The following TCF12 variants were observed in gnomAD, a reference collection of about 807,000 sequenced individuals.
The protein encoded by TCF12 is DNA-binding protein HTF4.
TCF12 carries 45 observed loss-of-function variants against 86.0 expected under a neutral mutation model. The ratio of observed to expected loss-of-function variants is 0.52; its 90% CI spans 0.41 to 0.67. The LOEUF (loss-of-function observed/expected upper bound fraction) is 0.67. Among genes scored for constraint, TCF12 ranks in the 30% least tolerant of loss-of-function variants. The pLI, the probability that TCF12 is intolerant of heterozygous loss-of-function variation, is 0.00. For missense variants in TCF12, 881 were observed against 859.9 expected (o/e 1.02, Z -0.31); for synonymous variants, 330 against 299.6 (o/e 1.10, Z -1.05).
intron 4 of TCF12, among the ~76,000 whole-genome samples, chr15:57,078,578 A>T (rs1380760873): frequency 6.6e-6 from 1 of 152,242 alleles, no homozygotes; most frequent in Admixed American, 6.5e-5. Context: ...TATAGGCAGT[A>T]CTACACATAT....
intron 5 of TCF12, among the ~76,000 whole-genome samples, chr15:57,102,819 G>A (rs1331127289): frequency 7.2e-5 from 11 of 152,028 alleles, no homozygotes; most frequent in Non-Finnish European, 7.4e-5. Context: ...AAATTTCTAG[G>A]CAAATGTCAG....
At chr15:57,101,909 A>C (rs1292617795) in intron 5 of TCF12, among the ~76,000 whole-genome samples, 1 of 152,222 alleles carries the variant, frequency 6.6e-6, no homozygotes, top group East Asian at 1.9e-4. Context: ...AGTTTCTCTT[A>C]CATACTTTTC....
chr15:57,096,601 T>A (rs1206094477), intron 5 of TCF12, among the ~76,000 whole-genome samples: 1 of 152,174 alleles, frequency 6.6e-6, no homozygotes, highest in African/African-American at 2.4e-5. Flanking sequence ...ATAACTTACA[T>A]ATAATACCTA....
chr15:57,279,186 G>T (rs1055032791), intron 19 of TCF12, among the ~76,000 whole-genome samples: 1 of 146,896 alleles, frequency 6.8e-6, no homozygotes, highest in Non-Finnish European at 1.5e-5. Context: ...TAGAGACAGG[G>T]TCTCACTTTG....
At chr15:56,984,839 C>T (rs1396776739) in intron 3 of TCF12, among the ~76,000 whole-genome samples, 1 of 152,108 alleles carries the variant, frequency 6.6e-6, no homozygotes, top group African/African-American at 2.4e-5. Context: ...TATGAAAAGT[C>T]CCATAAGATC....
chr15:56,950,348 C>G (rs554431200), intron 3 of TCF12, among the ~76,000 whole-genome samples: 1 of 152,110 alleles, frequency 6.6e-6, no homozygotes, highest in Non-Finnish European at 1.5e-5. Flanking sequence ...GCCTTAGCCT[C>G]CTGAGTAGCT....
intron 5 of TCF12, among the ~76,000 whole-genome samples, chr15:57,115,702 A>C (rs1409931276): frequency 6.6e-6 from 1 of 152,182 alleles, no homozygotes; most frequent in African/African-American, 2.4e-5. Flanking sequence ...TAAATTAGTC[A>C]AGTTCTGTTG....
chr15:57,147,402 A>C (rs894323263), intron 5 of TCF12, among the ~76,000 whole-genome samples: 4 of 152,200 alleles, frequency 2.6e-5, no homozygotes, highest in Non-Finnish European at 5.9e-5. Flanking sequence ...ATCCTATTAA[A>C]CAACTACTTC....
intron 5 of TCF12, among the ~76,000 whole-genome samples, chr15:57,126,764 T>G (rs751518748): frequency 2.0e-5 from 3 of 152,146 alleles, no homozygotes; most frequent in Non-Finnish European, 4.4e-5. Context: ...TGAGGATCTC[T>G]ATGCTACATG....
intron 8 of TCF12, chr15:57,219,044 G>A (rs985084329): frequency 9.4e-5 from 99 of 1,048,634 alleles, no homozygotes; most frequent in Non-Finnish European, 1.1e-4. Flanking sequence ...AGCAACTTTA[G>A]ACCATGGCAG....
chr15:57,122,133 A>C, intron 5 of TCF12, among the ~76,000 whole-genome samples: 2 of 146,914 alleles, frequency 1.4e-5, no homozygotes, highest in South Asian at 2.1e-4. Context: ...AAACCTGCCC[A>C]TGCTTCATAG....
At chr15:56,976,069 C>G (rs1324383471) in intron 3 of TCF12, among the ~76,000 whole-genome samples, 1 of 151,784 alleles carries the variant, frequency 6.6e-6, no homozygotes, top group Non-Finnish European at 1.5e-5. Context: ...CATAATGACT[C>G]TTTATAAGAT....
intron 5 of TCF12, among the ~76,000 whole-genome samples, chr15:57,161,564 T>C (rs2054506255): frequency 6.6e-6 from 1 of 152,218 alleles, no homozygotes; most frequent in Non-Finnish European, 1.5e-5. Flanking sequence ...TATTCTTGTA[T>C]ATTTTCCAAT....
intron 6 of TCF12, among the ~76,000 whole-genome samples, chr15:57,185,688 A>G (rs1253418094): frequency 2.6e-5 from 4 of 152,138 alleles, no homozygotes; most frequent in African/African-American, 4.8e-5. Context: ...TTCAAGACCA[A>G]CTGGGGCAAC....
At chr15:57,171,209 T>C (rs1449329150) in intron 6 of TCF12, among the ~76,000 whole-genome samples, 1 of 151,712 alleles carries the variant, frequency 6.6e-6, no homozygotes, top group African/African-American at 2.4e-5. Context: ...GATTTAAAGA[T>C]ATTCAGATGA....
At chr15:56,963,389 T>G (rs1284428181) in intron 3 of TCF12, among the ~76,000 whole-genome samples, 4 of 152,204 alleles carry the variant, frequency 2.6e-5, no homozygotes, top group Non-Finnish European at 5.9e-5. Context: ...TGACAGTATA[T>G]GCTGCTTTTT....
chr15:57,255,632 C>T (rs1021884997), intron 16 of TCF12, among the ~76,000 whole-genome samples: 8 of 151,994 alleles, frequency 5.3e-5, no homozygotes, highest in Non-Finnish European at 1.0e-4. Context: ...TATAGGCACC[C>T]GCCACCACGT....
intron 3 of TCF12, among the ~76,000 whole-genome samples, chr15:57,033,511 CTT>C (rs2066327928): frequency 6.6e-6 from 1 of 152,024 alleles, no homozygotes; most frequent in African/African-American, 2.4e-5. Flanking sequence ...TGAATCGAAA[CTT>C]GGTGTGAGTA....
At chr15:57,007,241 GTTA>G (rs547673197) in intron 3 of TCF12, among the ~76,000 whole-genome samples, 1 of 152,062 alleles carries the variant, frequency 6.6e-6, no homozygotes, top group Non-Finnish European at 1.5e-5. Context: ...TGAAAATAAG[GTTA>G]TTTCCTTATC....
Sources: gnomAD v4.1 joint callset for allele counts (sites outside exome capture counted in the v4.1 genomes callset) on GRCh38, gnomAD v4.1.1 for gene constraint, MANE v1.5 for transcripts, NCBI Gene and HGNC (gene_info 2026-07-23, HGNC 2026-07-21) for gene names.